Variants in PPIF observed in about 807,000 individuals in gnomAD.
The protein encoded by PPIF is peptidyl-prolyl cis-trans isomerase F, mitochondrial.
In PPIF, 23 loss-of-function variants were observed where a neutral mutation model predicts 20.2. The ratio of observed to expected loss-of-function variants is 1.14; its 90% CI spans 0.82 to 1.61. PPIF has a LOEUF of 1.61. PPIF is among the 40% of genes most tolerant of loss of function. The pLI, the probability that PPIF is intolerant of heterozygous loss-of-function variation, is 0.00. For missense variants in PPIF, 287 were observed against 291.6 expected (o/e 0.98, Z 0.11); for synonymous variants, 113 against 123.1 (o/e 0.92, Z 0.54).
At chr10:79,351,408 C>A (rs1352879889) in intron 3 of PPIF, 79 bp from the exon 4 acceptor site, 2 of 1,427,956 alleles carry the variant, frequency 1.4e-6, no homozygotes, top group Non-Finnish European at 1.9e-6. Flanking sequence ...CTTGGGTGGG[C>A]TGAGGCTGCT....
At chr10:79,353,441 A>G (rs1727368887) in intron 5 of PPIF, among the ~76,000 whole-genome samples, 1 of 152,168 alleles carries the variant, frequency 6.6e-6, no homozygotes, top group African/African-American at 2.4e-5. Flanking sequence ...TCCACTTTTG[A>G]TAGATGGGGT....
intron 4 of PPIF, 28 bp downstream of exon 4, chr10:79,351,611 T>G (rs1855984491): frequency 6.3e-7 from 1 of 1,598,708 alleles, no homozygotes; most frequent in African/African-American, 1.3e-5. Context: ...CTAGGGTGAG[T>G]GTCCCCACAG....
intron 4 of PPIF, chr10:79,351,835 C>T (rs1465253944): frequency 8.9e-6 from 4 of 451,662 alleles, no homozygotes; most frequent in African/African-American, 5.9e-5. Flanking sequence ...AATGGAGGCC[C>T]TGGCCACCTC....
chr10:79,349,208 CT>C (rs1407671169), intron 2 of PPIF, 102 bp downstream of exon 2: 2 of 1,605,664 alleles, frequency 1.2e-6, no homozygotes, highest in Non-Finnish European at 1.7e-6. Context: ...TCAGAGACCC[CT>C]GACAGATGGG....
chr10:79,352,393 G>C lies in PPIF; in HGVS notation c.488+1G>C, dbSNP rs760656767. The C allele has an allele frequency of 2.4e-5, 38 of 1,613,322 alleles. No individual in the cohort carries two copies. The highest frequency in any genetic ancestry group is 2.9e-5 in the Non-Finnish European group (34 of 1,179,404). ...TCATCTGCACCATAAAGACAGACTG[G>C]TGAGTTCCCTGCCCCAGGCCCTCTG... On this transcript the variant is annotated splice_donor_variant, in intron 5 of 5. Transcript: ENST00000225174. LOFTEE classifies it high-confidence loss of function.
chr10:79,351,125 G>C (rs1855976598), intron 3 of PPIF, among the ~76,000 whole-genome samples: 1 of 152,180 alleles, frequency 6.6e-6, no homozygotes, highest in Non-Finnish European at 1.5e-5. Flanking sequence ...TCGGGAACTG[G>C]GGGGCCTCTG....
Position 79,355,288 on chromosome 10 carries a change from G to T in PPIF, c.*1446G>T, listed in dbSNP as rs1186575356. The T allele has an allele frequency of 6.6e-6, 1 of 152,148 alleles. No homozygotes were observed. Among genetic ancestry groups the T allele is most frequent in the East Asian group, 1.9e-4 (1 of 5,196 alleles). 9.4% of individuals were successfully genotyped at this position (152,148 alleles called of 1,614,324 possible). A position where few individuals can be genotyped will look rare whatever the true frequency, so the allele number is the denominator to read the frequency against. ...AGCAGATGCCAGCACCATGCTTCCT[G>T]TACATCCTGCAGAACCATAAGCCAA... On this transcript the variant is annotated 3_prime_UTR_variant, in exon 6 of 6. Transcript: ENST00000225174.
chr10:79,347,990 A>G (rs1855923054), intron 1 of PPIF, among the ~76,000 whole-genome samples: 1 of 151,452 alleles, frequency 6.6e-6, no homozygotes, highest in African/African-American at 2.4e-5. Flanking sequence ...GTCAGATCGC[A>G]GAGAGGGAGG....
At chr10:79,353,163 G>T (rs1429095511) in intron 5 of PPIF, among the ~76,000 whole-genome samples, 1 of 152,252 alleles carries the variant, frequency 6.6e-6, no homozygotes, top group Non-Finnish European at 1.5e-5. Flanking sequence ...CCTGCTCTTT[G>T]CTCCTTCATG....
chr10:79,349,185 G>A, intron 2 of PPIF, 79 bp downstream of exon 2: 1 of 1,611,994 alleles, frequency 6.2e-7, no homozygotes, highest in South Asian at 1.1e-5. Context: ...GGCGTGATGA[G>A]AAGAGTCGGG....
At chr10:79,353,657 G>C (rs543482815) in intron 5 of PPIF, 50 bp from the exon 6 acceptor site, 2 of 1,613,820 alleles carry the variant, frequency 1.2e-6, no homozygotes, top group African/African-American at 1.3e-5. Context: ...CCATGGCATT[G>C]GATGACATTG....
At position 79,349,834 on chromosome 10, in the gene PPIF, A is replaced by G. The variant is rs2233721; in HGVS notation, c.315+81A>G. 1,433 of 1,595,740 alleles carry G rather than the reference A, an allele frequency of 9.0e-4. 15 individuals carry two copies. The African/African-American group carries it at 0.017, about 19-fold the overall frequency. ...TGTGTGAAGATGCCTGGTATGAGGA[A>G]GGTGCTGAGCAGAGCAGCTGCAGTT... On this transcript the variant is annotated intron_variant, in intron 3 of 5. Coordinates refer to ENST00000225174, the MANE Select transcript of PPIF (RefSeq NM_005729.4).
At chr10:79,352,528 T>G in intron 5 of PPIF, 136 bp downstream of exon 5, 1 of 849,548 alleles carries the variant, frequency 1.2e-6, no homozygotes, top group South Asian at 1.6e-5. Flanking sequence ...AGGCTGTGTG[T>G]TTGTATGAGA....
intron 2 of PPIF, 94 bp from the exon 3 acceptor site, chr10:79,349,571 C>T: frequency 1.3e-6 from 2 of 1,564,836 alleles, no homozygotes; most frequent in Non-Finnish European, 1.7e-6. Context: ...CCCCTGTTCA[C>T]TGCTGGGGAT....
chr10:79,350,019 G>C, intron 3 of PPIF: 1 of 606,660 alleles, frequency 1.6e-6, no homozygotes, highest in Non-Finnish European at 2.7e-6. Flanking sequence ...GTTGGGAGAT[G>C]GATGTGCTGG....
At chr10:79,348,945 G>A (rs879192365) in intron 1 of PPIF, 131 bp from the exon 2 acceptor site, 1 of 1,598,116 alleles carries the variant, frequency 6.3e-7, no homozygotes. Context: ...GGCAATAATG[G>A]GAATGGAATG....
intron 2 of PPIF, 77 bp from the exon 3 acceptor site, chr10:79,349,588 G>T: frequency 6.3e-7 from 1 of 1,591,504 alleles, no homozygotes. Context: ...GGATGTAGCA[G>T]GGATTTTGGC....
intron 1 of PPIF, among the ~76,000 whole-genome samples, chr10:79,348,183 C>T (rs1855926586): frequency 6.6e-6 from 1 of 152,158 alleles, no homozygotes; most frequent in Non-Finnish European, 1.5e-5. Context: ...GGCCCCGCCC[C>T]TGCGGTCGGG....
Position 79,349,050 on chromosome 10 carries a change from C to T in PPIF, c.196-26C>T, listed in dbSNP as rs777010869. The T allele has an allele frequency of 1.9e-6, 3 of 1,613,808 alleles. No homozygotes were observed. The African/African-American group carries it at 4.0e-5, about 22-fold the overall frequency. On this transcript the variant is annotated intron_variant, in intron 1 of 5. Coordinates refer to ENST00000225174, the MANE Select transcript of PPIF (RefSeq NM_005729.4). Reference sequence around the variant, plus strand: ...CACCTGCCTCTCCAATGACCATCCTCTTTTGTCCTTCTTCTCCCCCAACAG... The same window carrying T: ...CACCTGCCTCTCCAATGACCATCCTTTTTTGTCCTTCTTCTCCCCCAACAG...
Sources: allele counts gnomAD v4.1 joint callset (sites outside exome capture counted in the v4.1 genomes callset), GRCh38; gene constraint gnomAD v4.1.1; transcripts MANE v1.5; gene names NCBI Gene and HGNC (gene_info 2026-07-23, HGNC 2026-07-21).